CNTLN: variants seen among roughly 807,000 people sequenced by gnomAD.
The protein encoded by CNTLN is centlein, centrosomal protein.
Under a neutral mutation model 180.0 loss-of-function variants are expected in CNTLN, and 212 were observed. That is an observed-to-expected ratio of 1.18 (90% confidence interval 1.05 to 1.32). The LOEUF (loss-of-function observed/expected upper bound fraction) is 1.32, where lower values mean the gene tolerates loss of function less well. Ranked by LOEUF, CNTLN falls within the 40% of genes most tolerant of loss-of-function variation. The pLI is 0.00. For missense variants in CNTLN, 2,095 were observed against 1,610.9 expected, an observed-to-expected ratio of 1.30 and a Z score of -5.14; for synonymous variants, 722 against 563.1, an observed-to-expected ratio of 1.28 and a Z score of -3.99.
chr9:17,325,658 T>C (rs1165536307), intron 8 of CNTLN, among the ~76,000 whole-genome samples: 2 of 152,056 alleles, frequency 1.3e-5, no homozygotes, highest in East Asian at 3.9e-4. Context: ...AGGTATCATG[T>C]GCTTTTAGAA....
At chr9:17,523,380 G>A in the CNTLN span, among the ~76,000 whole-genome samples, 2 of 152,048 alleles carry the variant, frequency 1.3e-5, no homozygotes, top group Admixed American at 6.5e-5. Context: ...GGGATTACAG[G>A]TGTCCACCAC....
chr9:17,398,621 T>A lies in CNTLN; in HGVS notation c.2615+3552T>A, dbSNP rs142896859. On this transcript the variant is annotated intron_variant, in intron 15 of 25. Coordinates refer to ENST00000380647, the MANE Select transcript of CNTLN (RefSeq NM_017738.4). ...GGTTCCAACTGATTTCAGCTAGTTCTTTTATCTCATAAGCAGAGGGAGTTT... is the reference window on the plus strand; with the variant it reads ...GGTTCCAACTGATTTCAGCTAGTTCATTTATCTCATAAGCAGAGGGAGTTT... 1.9e-3 allele frequency among the ~76,000 whole-genome samples: 290 copies of A among 152,340 alleles called. 1 individual carries two copies. Among genetic ancestry groups the A allele is most frequent in the African/African-American group, 6.7e-3 (280 of 41,578 alleles).
chr9:17,142,914 A>G (rs539445949), intron 1 of CNTLN, among the ~76,000 whole-genome samples: 6 of 152,210 alleles, frequency 3.9e-5, no homozygotes, highest in Non-Finnish European at 7.3e-5. Flanking sequence ...AGGAAGCATT[A>G]TAGAGTGAAT....
intron 2 of CNTLN, among the ~76,000 whole-genome samples, chr9:17,222,534 C>T (rs1432138239): frequency 6.6e-6 from 1 of 151,986 alleles, no homozygotes; most frequent in Non-Finnish European, 1.5e-5. Flanking sequence ...TCCGCTTTTG[C>T]ATCTTCCTCA....
At chr9:17,298,154 C>T in intron 6 of CNTLN, 36 bp from the exon 7 acceptor site, 1 of 1,386,666 alleles carries the variant, frequency 7.2e-7, no homozygotes, top group Non-Finnish European at 9.4e-7. Context: ...TGATCTTTAT[C>T]CATACTTTTC....
At chr9:17,204,883 T>A (rs146803408) in intron 2 of CNTLN, among the ~76,000 whole-genome samples, 1 of 152,326 alleles carries the variant, frequency 6.6e-6, no homozygotes, top group Non-Finnish European at 1.5e-5. Context: ...ACAAATGCCC[T>A]GCCCAGTGAG....
At chr9:17,440,590 A>G (rs1452625859) in intron 18 of CNTLN, among the ~76,000 whole-genome samples, 2 of 149,540 alleles carry the variant, frequency 1.3e-5, no homozygotes, top group Admixed American at 6.7e-5. Context: ...CTCCGTCTCA[A>G]AAAAAAAAAA....
At chr9:17,219,401 C>T (rs1308344024) in intron 2 of CNTLN, among the ~76,000 whole-genome samples, 2 of 151,488 alleles carry the variant, frequency 1.3e-5, no homozygotes, top group East Asian at 1.9e-4. Flanking sequence ...GTTACAGCAC[C>T]ATTTTATCTT....
intron 8 of CNTLN, among the ~76,000 whole-genome samples, chr9:17,319,985 A>C (rs1332185796): frequency 6.6e-6 from 1 of 152,170 alleles, no homozygotes; most frequent in Non-Finnish European, 1.5e-5. Flanking sequence ...ATGACTGCCT[A>C]TTCTTATCTC....
chr9:17,274,193 T>C lies in CNTLN; in HGVS notation c.983+327T>C, dbSNP rs79353582. Among the ~76,000 whole-genome samples the C allele has an allele frequency of 9.9e-5, 15 of 152,236 alleles. No homozygotes were observed. The East Asian group carries it at 2.5e-3, about 25-fold the overall frequency. On this transcript the variant is annotated intron_variant, in intron 6 of 25. Coordinates refer to ENST00000380647, the MANE Select transcript of CNTLN (RefSeq NM_017738.4). ...ATGCTCATATTGTTACAGTGAACAA[T>C]AGTAACTGAGAAACAAATTTTGACT... is the stretch of plus-strand genomic sequence containing the variant.
intron 1 of CNTLN, 130 bp downstream of exon 1, chr9:17,135,555 G>A (rs1194849631): frequency 1.6e-6 from 2 of 1,233,776 alleles, no homozygotes; most frequent in East Asian, 2.8e-5. Context: ...TGCACACCCT[G>A]CTTCGCTCGC....
chr9:17,219,423 C>T (rs980619180), intron 2 of CNTLN, among the ~76,000 whole-genome samples: 1 of 151,908 alleles, frequency 6.6e-6, no homozygotes, highest in Non-Finnish European at 1.5e-5. Context: ...GGAGCATTTT[C>T]CTGTTATGAA....
At chr9:17,271,793 T>C (rs1236758189) in intron 5 of CNTLN, among the ~76,000 whole-genome samples, 1 of 152,222 alleles carries the variant, frequency 6.6e-6, no homozygotes, top group African/African-American at 2.4e-5. Flanking sequence ...TCACCTCTGT[T>C]ATTACTTATC....
chr9:17,308,158 C>A (rs1818862149), intron 7 of CNTLN, among the ~76,000 whole-genome samples: 1 of 152,068 alleles, frequency 6.6e-6, no homozygotes, highest in African/African-American at 2.4e-5. Flanking sequence ...GTTCTGGAGG[C>A]ATACCATTGT....
the CNTLN span, among the ~76,000 whole-genome samples, chr9:17,526,546 C>G: frequency 6.6e-6 from 1 of 152,134 alleles, no homozygotes; most frequent in African/African-American, 2.4e-5. Flanking sequence ...AAGACTGATA[C>G]AATAAGTGTG....
In CNTLN at chr9:17,342,409, T is replaced by A; in HGVS notation, c.1851T>A (p.Tyr617Ter). 6.2e-7 allele frequency: 1 copy of A among 1,610,328 alleles called. No homozygotes were observed. Among genetic ancestry groups the A allele is most frequent in the Non-Finnish European group, 8.5e-7 (1 of 1,178,772 alleles). The part of the protein sequence containing the change: ...DSDAVWNELA[Y>*]FKRENQELMI... ...ACGCTGTGTGGAATGAACTGGCATATTTCAAAAGGGAAAACCAGGAGCTAA... is the reference window on the plus strand; with the variant it reads ...ACGCTGTGTGGAATGAACTGGCATAATTCAAAAGGGAAAACCAGGAGCTAA... The change falls in exon 12 of 26, where the codon TAT becomes TAA. Residue 617 changes from tyrosine to a stop codon, truncating the protein, a stop_gained. Coordinates refer to ENST00000380647, the MANE Select transcript of CNTLN (RefSeq NM_017738.4). LOFTEE classifies it high-confidence loss of function.
Position 17,457,862 on chromosome 9 carries a change from T to C in CNTLN, c.3306+147T>C, listed in dbSNP as rs189987420. 5.2e-4 allele frequency: 242 copies of C among 467,172 alleles called. 1 individual carries two copies. Among genetic ancestry groups the C allele is most frequent in the African/African-American group, 1.9e-3 (93 of 49,434 alleles). 28.9% of individuals were successfully genotyped at this position (467,172 alleles called of 1,614,324 possible). Reference sequence around the variant, plus strand: ...TATTAATATTGCCTTCATCATTAATTTTTAGCCTGGTAGATTCTTATCTGG... The same window carrying C: ...TATTAATATTGCCTTCATCATTAATCTTTAGCCTGGTAGATTCTTATCTGG... On this transcript the variant is annotated intron_variant, in intron 19 of 25. Coordinates refer to ENST00000380647, the MANE Select transcript of CNTLN (RefSeq NM_017738.4).
At chr9:17,314,514 C>T (rs934009274) in intron 8 of CNTLN, among the ~76,000 whole-genome samples, 1 of 152,158 alleles carries the variant, frequency 6.6e-6, no homozygotes, top group Non-Finnish European at 1.5e-5. Flanking sequence ...TAGAGGTCTG[C>T]TTAGTGCATG....
At chr9:17,448,331 A>G (rs1053905553) in intron 18 of CNTLN, 1 of 152,314 alleles carries the variant, frequency 6.6e-6, no homozygotes, top group African/African-American at 2.4e-5. Context: ...AGCCTTAAAA[A>G]CATCTCCAGT....
Sources: gnomAD v4.1 joint callset for allele counts (sites outside exome capture counted in the v4.1 genomes callset) on GRCh38, gnomAD v4.1.1 for gene constraint, MANE v1.5 for transcripts, NCBI Gene and HGNC (gene_info 2026-07-23, HGNC 2026-07-21) for gene names.